The following ZNF529 variants were observed in gnomAD, a reference collection of about 807,000 sequenced individuals.
ZNF529 encodes zinc finger protein 529.
Under a neutral mutation model 10.1 loss-of-function variants are expected in ZNF529, and 11 were observed. The observed-to-expected ratio is 1.09, with a 90% confidence interval of 0.69 to 1.81. The LOEUF (loss-of-function observed/expected upper bound fraction) is 1.81. Ranked by LOEUF, ZNF529 falls within the 40% of genes most tolerant of loss-of-function variation. The probability of loss-of-function intolerance (pLI) is 0.00; values close to 1 mark genes in which losing one functional copy is unlikely to be tolerated. For synonymous variants in ZNF529, 204 were observed against 215.7 expected (o/e 0.95, Z 0.47); for missense variants, 624 against 666.8 (o/e 0.94, Z 0.71).
chr19:36,574,541 G>A (rs773458212), upstream of ZNF529, among the ~76,000 whole-genome samples: 25 of 152,064 alleles, frequency 1.6e-4, no homozygotes, highest in Non-Finnish European at 3.2e-4. Context: ...AAGATGGTCT[G>A]GGTGTGCTTA....
intron 2 of ZNF529, among the ~76,000 whole-genome samples, chr19:36,557,777 G>A (rs1328362773): frequency 6.6e-6 from 1 of 152,164 alleles, no homozygotes; most frequent in Non-Finnish European, 1.5e-5. Context: ...CCACAAACAA[G>A]AGACAGGCAA....
intron 4 of ZNF529, among the ~76,000 whole-genome samples, chr19:36,553,046 A>G (rs923333810): frequency 6.6e-6 from 1 of 152,242 alleles, no homozygotes; most frequent in Non-Finnish European, 1.5e-5. Flanking sequence ...AAGTACCTAA[A>G]TACTCTCTGT....
intron 2 of ZNF529, chr19:36,580,396 A>G (rs1243266399): frequency 1.3e-5 from 2 of 152,188 alleles, no homozygotes; most frequent in Non-Finnish European, 2.9e-5. Flanking sequence ...CATGTGCTAT[A>G]CTTTTATACA....
At chr19:36,584,729 T>C (rs779197923) in intron 2 of ZNF529, among the ~76,000 whole-genome samples, 1 of 148,328 alleles carries the variant, frequency 6.7e-6, no homozygotes, top group African/African-American at 2.5e-5. Context: ...ATTGCCCCAC[T>C]GCACTCCACC....
chr19:36,561,480 T>G (rs2035694615), intron 2 of ZNF529, among the ~76,000 whole-genome samples: 1 of 150,716 alleles, frequency 6.6e-6, no homozygotes, highest in Non-Finnish European at 1.5e-5. Flanking sequence ...CCTCCCCGGC[T>G]CAAGCAATTC....
chr19:36,577,199 A>G (rs2036343878), upstream of ZNF529: 2 of 453,414 alleles, frequency 4.4e-6, no homozygotes, highest in Non-Finnish European at 8.8e-6. Context: ...AGCTCAAGCA[A>G]CCGGCCCTCC....
rs2035585751 is a variant in ZNF529 at position 36,559,124 on chromosome 19, G to A, written c.15-2927C>T. Among the ~76,000 whole-genome samples the A allele has an allele frequency of 2.0e-5, 3 of 151,962 alleles. No individual in the cohort carries two copies. The South Asian group carries it at 6.2e-4, about 32-fold the overall frequency. On this transcript the variant is annotated intron_variant, in intron 2 of 4. Transcript: ENST00000591340. Reference sequence around the variant, plus strand: ...AGGACTGCTGTTATCAAAAAGACAAGAAAGAAAAAAAATGTTGACAAGGAT... The same window carrying A: ...AGGACTGCTGTTATCAAAAAGACAAAAAAGAAAAAAAATGTTGACAAGGAT...
chr19:36,586,312 C>G (rs1445164641), intron 2 of ZNF529, among the ~76,000 whole-genome samples: 3 of 152,086 alleles, frequency 2.0e-5, no homozygotes, highest in Non-Finnish European at 4.4e-5. Context: ...GTCATAAAAT[C>G]TATTTAAATG....
chr19:36,572,805 G>A (rs1380357085), intron 1 of ZNF529, among the ~76,000 whole-genome samples: 2 of 151,890 alleles, frequency 1.3e-5, no homozygotes, highest in African/African-American at 4.8e-5. Context: ...ATGCGTGTGT[G>A]TGTGTGTATA....
chr19:36,554,627 T>C (rs2035392349), intron 4 of ZNF529, 43 bp downstream of exon 4: 3 of 1,464,670 alleles, frequency 2.0e-6, no homozygotes, highest in South Asian at 1.4e-5. Flanking sequence ...CAGTTGATAG[T>C]CTAGAGAGTA....
chr19:36,563,829 G>A (rs887404303), intron 2 of ZNF529, among the ~76,000 whole-genome samples: 3 of 152,252 alleles, frequency 2.0e-5, no homozygotes, highest in Admixed American at 6.5e-5. Flanking sequence ...GTAATCCTAA[G>A]CAAAAAGAAC....
intron 2 of ZNF529, among the ~76,000 whole-genome samples, chr19:36,566,726 A>C (rs1377956464): frequency 1.3e-5 from 2 of 150,928 alleles, no homozygotes; most frequent in East Asian, 3.9e-4. Flanking sequence ...TCAAAAAAAT[A>C]ATAAAAAAAA....
chr19:36,594,449 C>T (rs1282375693), intron 1 of ZNF529: 1 of 152,226 alleles, frequency 6.6e-6, no homozygotes, highest in African/African-American at 2.4e-5. Flanking sequence ...AAGATGCCCC[C>T]CATGGAATCC....
intron 2 of ZNF529, among the ~76,000 whole-genome samples, chr19:36,565,292 C>G (rs1252790944): frequency 6.6e-6 from 1 of 152,030 alleles, no homozygotes. Flanking sequence ...CTAAAACATA[C>G]CCAAGTAAAC....
intron 2 of ZNF529, 75 bp downstream of exon 2, chr19:36,572,258 C>G: frequency 1.3e-6 from 2 of 1,485,532 alleles, no homozygotes; most frequent in South Asian, 2.4e-5. Flanking sequence ...CAAGGGGACC[C>G]ATCTCTACGG....
At chr19:36,598,062 C>T (rs548367495) in intron 1 of ZNF529, among the ~76,000 whole-genome samples, 5 of 152,236 alleles carry the variant, frequency 3.3e-5, no homozygotes, top group East Asian at 3.9e-4. Context: ...GTCTTGGAAG[C>T]GGGTATAAAG....
upstream of ZNF529, chr19:36,574,967 G>A (rs1740142541): frequency 4.3e-6 from 2 of 464,264 alleles, no homozygotes; most frequent in Admixed American, 4.8e-5. Flanking sequence ...TGATTTGTGT[G>A]TGTGAGATTG....
intron 2 of ZNF529, among the ~76,000 whole-genome samples, chr19:36,584,837 C>T (rs989414149): frequency 3.3e-5 from 5 of 151,386 alleles, no homozygotes; most frequent in African/African-American, 1.2e-4. Flanking sequence ...GAAGGAGATA[C>T]CAATTAGTCA....
At chr19:36,573,441 G>A (rs2036224366), upstream of ZNF529, 1 of 470,768 alleles carries the variant, frequency 2.1e-6, no homozygotes, top group East Asian at 6.9e-5. Flanking sequence ...GAGTTTCCGG[G>A]TGCGCAGACC....
Sources: gnomAD v4.1 joint callset for allele counts (sites outside exome capture counted in the v4.1 genomes callset) on GRCh38, gnomAD v4.1.1 for gene constraint, MANE v1.5 for transcripts, NCBI Gene and HGNC (gene_info 2026-07-23, HGNC 2026-07-21) for gene names.